Variants in CACNA2D1 observed in about 807,000 individuals in gnomAD.
The protein encoded by CACNA2D1 is voltage-dependent calcium channel subunit alpha-2/delta-1.
CACNA2D1 carries 53 observed loss-of-function variants against 171.5 expected under a neutral mutation model. The observed-to-expected ratio is 0.31, with a 90% CI of 0.25 to 0.39. CACNA2D1 has a LOEUF of 0.39. CACNA2D1 is among the 10% of genes least tolerant of loss of function. The probability of loss-of-function intolerance (pLI) is 1.00; values close to 1 mark genes in which losing one functional copy is unlikely to be tolerated. For synonymous variants in CACNA2D1, 442 were observed against 443.1 expected (o/e 1.00, Z 0.03); for missense variants, 903 against 1,299.8 (o/e 0.69, Z 4.69).
chr7:82,392,607 G>A (rs147395678), intron 1 of CACNA2D1, among the ~76,000 whole-genome samples: 1,806 of 152,292 alleles, frequency 0.012, 18 homozygotes, highest in Non-Finnish European at 0.021. Flanking sequence ...GCCAAGCAAG[G>A]CCTAGGTGGG....
intron 4 of CACNA2D1, among the ~76,000 whole-genome samples, chr7:82,159,974 A>G (rs949818529): frequency 2.6e-5 from 4 of 151,212 alleles, no homozygotes; most frequent in African/African-American, 9.7e-5. Flanking sequence ...AAATAAAATT[A>G]AAACTTTAAT....
intron 10 of CACNA2D1, among the ~76,000 whole-genome samples, chr7:82,060,175 T>TCG (rs1806524330): frequency 3.1e-5 from 1 of 31,770 alleles, no homozygotes; most frequent in Non-Finnish European, 5.4e-5. Context: ...AATATATATA[T>TCG]ATAATATATA....
chr7:82,088,497 T>C (rs533823300), intron 6 of CACNA2D1, among the ~76,000 whole-genome samples: 1 of 152,332 alleles, frequency 6.6e-6, no homozygotes, highest in African/African-American at 2.4e-5. Flanking sequence ...TCATTTGTCA[T>C]TGTATATCAC....
chr7:82,150,176 T>A (rs1377253752), intron 4 of CACNA2D1, among the ~76,000 whole-genome samples: 2 of 151,342 alleles, frequency 1.3e-5, no homozygotes, highest in African/African-American at 4.9e-5. Flanking sequence ...ACATAAACAT[T>A]CAGTTGACAA....
At chr7:82,301,070 T>C (rs1239089387) in intron 3 of CACNA2D1, among the ~76,000 whole-genome samples, 1 of 152,176 alleles carries the variant, frequency 6.6e-6, no homozygotes, top group Non-Finnish European at 1.5e-5. Context: ...AAAGTTGAGA[T>C]GGTAAGAATG....
At chr7:82,328,896 C>T (rs187920529) in intron 3 of CACNA2D1, among the ~76,000 whole-genome samples, 31 of 152,220 alleles carry the variant, frequency 2.0e-4, no homozygotes, top group Middle Eastern at 3.4e-3. Flanking sequence ...TCAATGACCC[C>T]TAATAGCCAA....
chr7:82,144,510 G>C (rs1001685410), intron 4 of CACNA2D1, among the ~76,000 whole-genome samples: 1 of 151,542 alleles, frequency 6.6e-6, no homozygotes, highest in Non-Finnish European at 1.5e-5. Context: ...AGAATTTGTG[G>C]AATAAAAACT....
intron 3 of CACNA2D1, among the ~76,000 whole-genome samples, chr7:82,293,945 G>A (rs1811962964): frequency 6.6e-6 from 1 of 151,922 alleles, no homozygotes; most frequent in African/African-American, 2.4e-5. Flanking sequence ...TGCTCTTTCT[G>A]CTCTTAGAAG....
At chr7:82,295,238 T>A (rs1259032231) in intron 3 of CACNA2D1, among the ~76,000 whole-genome samples, 3 of 151,102 alleles carry the variant, frequency 2.0e-5, no homozygotes, top group Non-Finnish European at 4.4e-5. Context: ...TCAAAAGGTA[T>A]AAAATTTCAG....
intron 10 of CACNA2D1, among the ~76,000 whole-genome samples, chr7:82,040,823 A>G (rs1803867910): frequency 6.6e-6 from 1 of 152,110 alleles, no homozygotes; most frequent in Non-Finnish European, 1.5e-5. Context: ...AAAAAATACA[A>G]AATTAGCCAG....
intron 7 of CACNA2D1, among the ~76,000 whole-genome samples, chr7:82,080,253 A>AT (rs1177621291): frequency 6.6e-6 from 1 of 151,930 alleles, no homozygotes; most frequent in East Asian, 1.9e-4. Context: ...CAACAAGGAT[A>AT]TTTTTTAGCT....
intron 3 of CACNA2D1, among the ~76,000 whole-genome samples, chr7:82,262,194 G>T (rs1255298331): frequency 6.6e-6 from 1 of 152,162 alleles, no homozygotes; most frequent in Non-Finnish European, 1.5e-5. Context: ...AGCCAGGCGT[G>T]GTGGCAGGCA....
chr7:82,106,414 C>T (rs145561161), intron 6 of CACNA2D1, among the ~76,000 whole-genome samples: 349 of 152,100 alleles, frequency 2.3e-3, no homozygotes, highest in African/African-American at 7.2e-3. Context: ...ATTTGTTATA[C>T]GCATCATAAA....
intron 22 of CACNA2D1, 87 bp from the exon 23 acceptor site, chr7:81,983,421 AT>A: frequency 1.0e-6 from 1 of 964,176 alleles, no homozygotes; most frequent in Non-Finnish European, 1.6e-6. Context: ...ATTTTATTCA[AT>A]GACTTTCTTG....
At chr7:82,120,785 G>A (rs565845120) in intron 5 of CACNA2D1, among the ~76,000 whole-genome samples, 145 of 146,298 alleles carry the variant, frequency 9.9e-4, no homozygotes, top group Non-Finnish European at 1.7e-3. Context: ...TGAGGCAGGA[G>A]AATCACTTGA....
intron 3 of CACNA2D1, among the ~76,000 whole-genome samples, chr7:82,240,027 CATATT>C (rs1235127990): frequency 2.0e-5 from 3 of 152,130 alleles, no homozygotes; most frequent in Non-Finnish European, 4.4e-5. Flanking sequence ...TAAGAATTGA[CATATT>C]AGAAATGAAT....
intron 32 of CACNA2D1, among the ~76,000 whole-genome samples, chr7:81,965,171 G>A (rs1378977245): frequency 1.3e-5 from 2 of 152,038 alleles, no homozygotes; most frequent in Admixed American, 6.6e-5. Context: ...AGATTCAGAA[G>A]TGAAATTAGT....
intron 1 of CACNA2D1, among the ~76,000 whole-genome samples, chr7:82,353,595 A>G (rs1439600394): frequency 6.6e-6 from 1 of 152,144 alleles, no homozygotes; most frequent in African/African-American, 2.4e-5. Context: ...GTACATTTAA[A>G]GAACAAATAG....
intron 2 of CACNA2D1, chr7:82,343,265 G>A (rs1171790983): frequency 1.3e-5 from 2 of 152,188 alleles, no homozygotes; most frequent in African/African-American, 4.8e-5. Context: ...GGATATTTAG[G>A]AAGAATGAAG....
Sources: allele counts gnomAD v4.1 joint callset (sites outside exome capture counted in the v4.1 genomes callset), GRCh38; gene constraint gnomAD v4.1.1; transcripts MANE v1.5; gene names NCBI Gene and HGNC (gene_info 2026-07-23, HGNC 2026-07-21).